Variants in SORL1 observed in about 807,000 individuals in gnomAD.
SORL1 encodes sortilin related receptor 1.
Under a neutral mutation model 273.7 loss-of-function variants are expected in SORL1, and 127 were observed. That is an observed-to-expected ratio of 0.46 (90% CI 0.40 to 0.54). The LOEUF (loss-of-function observed/expected upper bound fraction) is 0.54. Ranked by LOEUF, SORL1 falls within the 20% of genes least tolerant of loss-of-function variation. The pLI, the probability that SORL1 is intolerant of heterozygous loss-of-function variation, is 0.00. For missense variants in SORL1, 2,494 were observed against 2,846.1 expected (o/e 0.88, Z 2.81); for synonymous variants, 1,031 against 1,067.4 (o/e 0.97, Z 0.66).
intron 16 of SORL1, among the ~76,000 whole-genome samples, chr11:121,553,492 A>G (rs1439838204): frequency 1.3e-5 from 2 of 152,230 alleles, no homozygotes; most frequent in Non-Finnish European, 2.9e-5. Flanking sequence ...CAAATTGATT[A>G]GAGAGCTTAG....
intron 6 of SORL1, among the ~76,000 whole-genome samples, chr11:121,502,728 T>C (rs1388891554): frequency 6.6e-6 from 1 of 152,208 alleles, no homozygotes; most frequent in Non-Finnish European, 1.5e-5. Flanking sequence ...CGTTTTTAAA[T>C]TGGGTTCTTT....
intron 1 of SORL1, among the ~76,000 whole-genome samples, chr11:121,453,844 T>C (rs1360982790): frequency 6.6e-6 from 1 of 152,236 alleles, no homozygotes; most frequent in Non-Finnish European, 1.5e-5. Flanking sequence ...ATTGTCTCAG[T>C]GACCTTTGCT....
intron 1 of SORL1, among the ~76,000 whole-genome samples, chr11:121,460,634 G>A (rs893069630): frequency 2.0e-5 from 3 of 152,074 alleles, no homozygotes; most frequent in African/African-American, 7.2e-5. Flanking sequence ...CTGACCTCGT[G>A]ATTCACCCAC....
chr11:121,555,326 T>A lies in SORL1; in HGVS notation c.2571+8T>A. 2 of 1,613,408 alleles carry A rather than the reference T, an allele frequency of 1.2e-6. No homozygotes were observed. The highest frequency in any genetic ancestry group is 1.7e-6 in the Non-Finnish European group (2 of 1,179,472). On this transcript the variant is annotated splice_region_variant and intron_variant, in intron 18 of 47. Coordinates refer to ENST00000260197, the MANE Select transcript of SORL1 (RefSeq NM_003105.6). The stretch of plus-strand genomic sequence containing the variant: ...GGCTTCAAAAAGATTGAGGTATGTG[T>A]ATTTTCGTGCTGTTCTTAATTAAGG...
intron 12 of SORL1, among the ~76,000 whole-genome samples, chr11:121,539,978 T>C (rs1489472713): frequency 1.3e-5 from 2 of 152,192 alleles, no homozygotes; most frequent in Non-Finnish European, 2.9e-5. Context: ...CTGCCAATTA[T>C]TTTGGTAATT....
intron 38 of SORL1, chr11:121,609,952 G>A (rs923391418): frequency 6.6e-6 from 1 of 152,220 alleles, no homozygotes; most frequent in Admixed American, 6.5e-5. Context: ...TATAATTCAA[G>A]TCAGCTTTAC....
Position 121,551,467 on chromosome 11 carries a change from A to G in SORL1, c.2266+797A>G, listed in dbSNP as rs1023084868. Among the ~76,000 whole-genome samples the G allele has an allele frequency of 2.0e-5, 3 of 152,222 alleles. No homozygotes were observed. In the East Asian group the frequency reaches 5.8e-4, roughly 29 times the overall value. On this transcript the variant is annotated intron_variant, in intron 16 of 47. Transcript: ENST00000260197. ...GTAACATGGGGTCTTTACCACAGAG[A>G]CATGAAATTATGATACTTTGAAAAA...
chr11:121,574,870 C>T (rs1321138700), intron 24 of SORL1, among the ~76,000 whole-genome samples: 3 of 152,004 alleles, frequency 2.0e-5, no homozygotes, highest in Non-Finnish European at 4.4e-5. Context: ...TTATTAACAG[C>T]TCTACAGGCT....
chr11:121,512,572 G>T (rs567186474), intron 6 of SORL1, among the ~76,000 whole-genome samples: 33 of 152,336 alleles, frequency 2.2e-4, no homozygotes, highest in Admixed American at 1.5e-3. Context: ...GGAGTAGAAA[G>T]AAGAAAAGAA....
intron 39 of SORL1, chr11:121,612,480 C>T: frequency 3.1e-6 from 1 of 319,054 alleles, no homozygotes; most frequent in Non-Finnish European, 5.9e-6. Flanking sequence ...ATTCTTCATT[C>T]ACTTTTTTGT....
intron 45 of SORL1, 84 bp downstream of exon 45, chr11:121,622,352 C>A (rs1863735501): frequency 1.1e-5 from 7 of 663,016 alleles, no homozygotes; most frequent in Non-Finnish European, 1.5e-5. Flanking sequence ...AGCATGCTGG[C>A]ATAGATAGTG....
chr11:121,496,590 G>C (rs1361152856), intron 5 of SORL1, among the ~76,000 whole-genome samples: 1 of 152,174 alleles, frequency 6.6e-6, no homozygotes, highest in Non-Finnish European at 1.5e-5. Flanking sequence ...ATTTTATCTT[G>C]TACTACTACT....
chr11:121,611,065 TTTG>T lies in SORL1; in HGVS notation c.5240-8_5240-6del. 1.9e-6 allele frequency: 3 copies of T among 1,606,148 alleles called. No individual in the cohort carries two copies. The highest frequency in any genetic ancestry group is 2.6e-6 in the Non-Finnish European group (3 of 1,172,906). ...CGTGGCTTCTGTTTTTGAATTCCTT[TTTG>T]TTTTCAGTGATCCCACCACCAGATA... On this transcript the variant is annotated splice_region_variant and splice_polypyrimidine_tract_variant and intron_variant, in intron 38 of 47. Coordinates refer to ENST00000260197, the MANE Select transcript of SORL1 (RefSeq NM_003105.6).
intron 2 of SORL1, among the ~76,000 whole-genome samples, chr11:121,471,853 C>T (rs191671688): frequency 2.0e-5 from 3 of 152,292 alleles, no homozygotes; most frequent in Non-Finnish European, 4.4e-5. Context: ...GAGACCACCG[C>T]TACTGATGGC....
intron 36 of SORL1, 91 bp from the exon 37 acceptor site, chr11:121,607,095 A>T (rs1365469900): frequency 9.7e-7 from 1 of 1,035,422 alleles, no homozygotes; most frequent in East Asian, 2.4e-5. Flanking sequence ...GCTCCTCACC[A>T]TCTTTTCTCT....
intron 35 of SORL1, 27 bp downstream of exon 35, chr11:121,605,598 C>G: frequency 6.3e-7 from 1 of 1,597,476 alleles, no homozygotes; most frequent in Non-Finnish European, 8.6e-7. Flanking sequence ...ATTTTTATGG[C>G]ATGGGTAAGA....
At chr11:121,566,824 A>T in intron 21 of SORL1, 116 bp from the exon 22 acceptor site, 1 of 987,494 alleles carries the variant, frequency 1.0e-6, no homozygotes, top group Non-Finnish European at 1.5e-6. Context: ...GACCCTTGAG[A>T]GCTTCTCGCT....
intron 41 of SORL1, among the ~76,000 whole-genome samples, chr11:121,616,300 C>T (rs1863639827): frequency 6.6e-6 from 1 of 152,164 alleles, no homozygotes; most frequent in Non-Finnish European, 1.5e-5. Flanking sequence ...CTAAAGGTGG[C>T]TTTCAGAGGT....
chr11:121,573,527 C>T (rs933010562), intron 23 of SORL1, among the ~76,000 whole-genome samples: 2 of 152,116 alleles, frequency 1.3e-5, no homozygotes, highest in African/African-American at 2.4e-5. Flanking sequence ...CTGGAGAAAT[C>T]GCTTGAACCT....
Sources: allele counts gnomAD v4.1 joint callset (sites outside exome capture counted in the v4.1 genomes callset), GRCh38; gene constraint gnomAD v4.1.1; transcripts MANE v1.5; gene names NCBI Gene and HGNC (gene_info 2026-07-23, HGNC 2026-07-21).